The following DNAJC1 variants were observed in gnomAD, a reference collection of about 807,000 sequenced individuals.
The protein encoded by DNAJC1 is DnaJ heat shock protein family (Hsp40) member C1.
Under a neutral mutation model 76.6 loss-of-function variants are expected in DNAJC1, and 58 were observed. The observed-to-expected ratio is 0.76, with a 90% CI of 0.61 to 0.94. DNAJC1 has a LOEUF of 0.94. Among genes scored for constraint, DNAJC1 ranks in the 40% least tolerant of loss-of-function variants. The pLI is 0.00. For missense variants in DNAJC1, 689 were observed against 677.3 expected (o/e 1.02, Z -0.19); for synonymous variants, 258 against 267.9 (o/e 0.96, Z 0.36).
intron 8 of DNAJC1, among the ~76,000 whole-genome samples, chr10:21,866,957 T>C (rs563442175): frequency 1.4e-4 from 21 of 152,290 alleles, no homozygotes; most frequent in African/African-American, 4.3e-4. Context: ...ACTAGAAATA[T>C]GTTTTAAGTA....
chr10:21,785,960 G>C (rs1338077944), intron 9 of DNAJC1, among the ~76,000 whole-genome samples: 2 of 152,106 alleles, frequency 1.3e-5, no homozygotes, highest in African/African-American at 4.8e-5. Context: ...AAGATCACTA[G>C]GAATGTTGAT....
At chr10:21,802,818 T>C (rs1291234303) in intron 9 of DNAJC1, among the ~76,000 whole-genome samples, 2 of 152,140 alleles carry the variant, frequency 1.3e-5, no homozygotes, top group Non-Finnish European at 2.9e-5. Flanking sequence ...AAACCTGCAG[T>C]TAATCATCAT....
intron 11 of DNAJC1, among the ~76,000 whole-genome samples, chr10:21,757,333 A>G (rs945823111): frequency 2.6e-5 from 4 of 152,158 alleles, no homozygotes; most frequent in African/African-American, 4.8e-5. Flanking sequence ...CCTGGGCTGG[A>G]GCTCAGGACC....
chr10:21,839,870 A>G (rs920438326), intron 8 of DNAJC1, among the ~76,000 whole-genome samples: 2 of 152,196 alleles, frequency 1.3e-5, no homozygotes, highest in African/African-American at 2.4e-5. Context: ...CTGGCAAACC[A>G]AATCCAGCAG....
intron 7 of DNAJC1, among the ~76,000 whole-genome samples, chr10:21,886,171 T>C (rs1784436903): frequency 6.6e-6 from 1 of 151,622 alleles, no homozygotes; most frequent in African/African-American, 2.4e-5. Flanking sequence ...CCCACAGAAG[T>C]AAAAATAACC....
intron 6 of DNAJC1, among the ~76,000 whole-genome samples, chr10:21,913,197 A>T (rs1047370577): frequency 6.6e-6 from 1 of 152,152 alleles, no homozygotes; most frequent in African/African-American, 2.4e-5. Context: ...AAAGGTAAAA[A>T]ATTTACAACT....
intron 9 of DNAJC1, 23 bp downstream of exon 9, chr10:21,805,957 A>G: frequency 6.2e-7 from 1 of 1,610,916 alleles, no homozygotes; most frequent in Non-Finnish European, 8.5e-7. Flanking sequence ...CTCTCTATAC[A>G]ATGCAAATCT....
At chr10:21,942,585 T>A (rs1315618047) in intron 1 of DNAJC1, among the ~76,000 whole-genome samples, 2 of 151,952 alleles carry the variant, frequency 1.3e-5, no homozygotes, top group Non-Finnish European at 2.9e-5. Context: ...GGCGGGCAGA[T>A]CACGAGGTAA....
intron 9 of DNAJC1, among the ~76,000 whole-genome samples, chr10:21,778,318 G>A (rs541253690): frequency 6.6e-6 from 1 of 152,118 alleles, no homozygotes; most frequent in African/African-American, 2.4e-5. Flanking sequence ...TTTAAATACT[G>A]TTTTCTTCCC....
At chr10:21,800,583 C>T (rs918705026) in intron 9 of DNAJC1, among the ~76,000 whole-genome samples, 3 of 152,262 alleles carry the variant, frequency 2.0e-5, no homozygotes, top group East Asian at 3.9e-4. Context: ...CATGGGCTAT[C>T]GTGTAACTCT....
chr10:21,930,732 C>T (rs1837208242), intron 1 of DNAJC1, among the ~76,000 whole-genome samples: 2 of 151,986 alleles, frequency 1.3e-5, no homozygotes, highest in Admixed American at 1.3e-4. Flanking sequence ...TTGACATGTT[C>T]CCTACATAGA....
At chr10:21,760,720 G>A (rs546625365) in intron 10 of DNAJC1, among the ~76,000 whole-genome samples, 1 of 152,228 alleles carries the variant, frequency 6.6e-6, no homozygotes, top group South Asian at 2.1e-4. Context: ...TGTGGCAAGT[G>A]GCTACCATAT....
chr10:21,793,412 G>T lies in DNAJC1; in HGVS notation c.1098+12568C>A, dbSNP rs927570056. Among the ~76,000 whole-genome samples the T allele has an allele frequency of 2.6e-5, 4 of 152,196 alleles. No individual in the cohort carries two copies. In the South Asian group the frequency reaches 8.3e-4, roughly 31 times the overall value. ...CCCTCCATGATCAGGAACAAGGCAA[G>T]TATGCCTGCACTCACCACTTCTGTA... is the stretch of plus-strand genomic sequence containing the variant. On this transcript the variant is annotated intron_variant, in intron 9 of 11. Coordinates refer to ENST00000376980, the MANE Select transcript of DNAJC1 (RefSeq NM_022365.4).
chr10:21,814,977 T>C (rs940988300), intron 8 of DNAJC1, among the ~76,000 whole-genome samples: 5 of 152,148 alleles, frequency 3.3e-5, no homozygotes, highest in Non-Finnish European at 2.9e-5. Flanking sequence ...TGGATTAAGG[T>C]AGACTCACCA....
chr10:21,837,297 A>G (rs935787026), intron 8 of DNAJC1, among the ~76,000 whole-genome samples: 1 of 152,084 alleles, frequency 6.6e-6, no homozygotes, highest in African/African-American at 2.4e-5. Context: ...TTGGCCTCCC[A>G]AAGTGCTGAG....
intron 8 of DNAJC1, among the ~76,000 whole-genome samples, chr10:21,823,124 ATC>A (rs1835187509): frequency 6.6e-6 from 1 of 152,154 alleles, no homozygotes; most frequent in South Asian, 2.1e-4. Context: ...GTCTTTATTA[ATC>A]TCTGCCACTT....
chr10:21,939,739 C>T (rs929400155), intron 1 of DNAJC1, among the ~76,000 whole-genome samples: 3 of 152,066 alleles, frequency 2.0e-5, no homozygotes, highest in Non-Finnish European at 4.4e-5. Flanking sequence ...ATGCATTTCT[C>T]GAAATGTATC....
At chr10:21,813,003 G>T (rs1480734613) in intron 8 of DNAJC1, among the ~76,000 whole-genome samples, 2 of 140,128 alleles carry the variant, frequency 1.4e-5, no homozygotes, top group African/African-American at 5.4e-5. Flanking sequence ...AAGGATAAAT[G>T]ATAAAAGACA....
chr10:21,958,813 A>T (rs1837737779), intron 1 of DNAJC1, among the ~76,000 whole-genome samples: 1 of 152,126 alleles, frequency 6.6e-6, no homozygotes, highest in African/African-American at 2.4e-5. Flanking sequence ...CAGAAAAAAA[A>T]ATCACTATTT....
Sources: allele counts gnomAD v4.1 joint callset (sites outside exome capture counted in the v4.1 genomes callset), GRCh38; gene constraint gnomAD v4.1.1; transcripts MANE v1.5; gene names NCBI Gene and HGNC (gene_info 2026-07-23, HGNC 2026-07-21).